ZFYVE9: variants seen among roughly 807,000 people sequenced by gnomAD.
ZFYVE9 encodes the protein zinc finger FYVE domain-containing protein 9.
ZFYVE9 carries 43 observed loss-of-function variants against 126.7 expected under a neutral mutation model. That is an observed-to-expected ratio of 0.34 (90% CI 0.27 to 0.44). ZFYVE9 has a LOEUF of 0.44. ZFYVE9 is among the 20% of genes least tolerant of loss of function. The probability of loss-of-function intolerance (pLI) is 1.00; values close to 1 mark genes in which losing one functional copy is unlikely to be tolerated. For missense variants in ZFYVE9, 1,476 were observed against 1,697.0 expected (o/e 0.87, Z 2.29); for synonymous variants, 521 against 597.4 (o/e 0.87, Z 1.87).
intron 4 of ZFYVE9, among the ~76,000 whole-genome samples, chr1:52,255,854 C>G (rs1052132258): frequency 2.0e-5 from 3 of 151,596 alleles, no homozygotes; most frequent in African/African-American, 7.3e-5. Flanking sequence ...GACTCTGACT[C>G]AAAAAAAATT....
At chr1:52,196,995 T>C (rs1241052759) in intron 1 of ZFYVE9, among the ~76,000 whole-genome samples, 1 of 152,170 alleles carries the variant, frequency 6.6e-6, no homozygotes, top group Non-Finnish European at 1.5e-5. Flanking sequence ...TATCAAACAA[T>C]TGAAGAATTT....
At chr1:52,153,628 A>G (rs1644376593) in intron 1 of ZFYVE9, among the ~76,000 whole-genome samples, 2 of 152,262 alleles carry the variant, frequency 1.3e-5, no homozygotes, top group South Asian at 4.1e-4. Context: ...AGGGTTAATT[A>G]ATCTTGCCAA....
At chr1:52,302,024 T>C (rs1646040617) in intron 12 of ZFYVE9, among the ~76,000 whole-genome samples, 1 of 152,228 alleles carries the variant, frequency 6.6e-6, no homozygotes, top group South Asian at 2.1e-4. Flanking sequence ...TTGGGTCTTT[T>C]AAGATCTTTT....
rs541966795 is a variant in ZFYVE9 at position 52,157,684 on chromosome 1, G to A, written c.-143+15281G>A. On this transcript the variant is annotated intron_variant, in intron 1 of 18. Transcript: ENST00000287727. ...CTCCCAGAGTGTGCTGGGATTACAG[G>A]AATGAGCCACATTGCCCAGCCTGCA... 1.8e-3 allele frequency among the ~76,000 whole-genome samples: 274 copies of A among 152,126 alleles called. 1 individual carries two copies. The highest frequency in any genetic ancestry group is 6.3e-3 in the African/African-American group (262 of 41,498).
chr1:52,226,741 C>G (rs72893977), intron 2 of ZFYVE9, among the ~76,000 whole-genome samples: 5,568 of 152,182 alleles, frequency 0.037, 255 homozygotes, highest in African/African-American at 0.11. Flanking sequence ...GTAAGATGAA[C>G]ATTGGTTCTG....
At chr1:52,176,609 G>A (rs1402979977) in intron 1 of ZFYVE9, among the ~76,000 whole-genome samples, 4 of 152,186 alleles carry the variant, frequency 2.6e-5, no homozygotes, top group Non-Finnish European at 5.9e-5. Flanking sequence ...AGCCTACGGA[G>A]GCAGGCAGGC....
At chr1:52,160,960 G>C (rs1248044723) in intron 1 of ZFYVE9, among the ~76,000 whole-genome samples, 1 of 152,180 alleles carries the variant, frequency 6.6e-6, no homozygotes, top group Non-Finnish European at 1.5e-5. Flanking sequence ...GACATTTCTA[G>C]TGCAGTTTGA....
chr1:52,180,971 G>C (rs1455495067), intron 1 of ZFYVE9, among the ~76,000 whole-genome samples: 1 of 100,470 alleles, frequency 1.0e-5, no homozygotes, highest in African/African-American at 4.0e-5. Context: ...GCAAAACTCC[G>C]TCTCAAAAAA....
At chr1:52,188,816 C>A (rs941101906) in intron 1 of ZFYVE9, among the ~76,000 whole-genome samples, 2 of 152,056 alleles carry the variant, frequency 1.3e-5, no homozygotes, top group Middle Eastern at 3.4e-3. Context: ...TTTAAGATAG[C>A]TTTATAACAA....
chr1:52,160,183 G>T, intron 1 of ZFYVE9: 1 of 665,368 alleles, frequency 1.5e-6, no homozygotes, highest in Non-Finnish European at 2.7e-6. Flanking sequence ...AGGCTGTGAG[G>T]TTGGAGGCGC....
At position 52,160,184 on chromosome 1, in the gene ZFYVE9, T is replaced by A. The variant is rs895177257; in HGVS notation, c.-143+17781T>A. ...TGTGAAGCTCTACGAGGCTGTGAGG[T>A]TGGAGGCGCTTCTCCCTGCCTGTTA... On this transcript the variant is annotated intron_variant, in intron 1 of 18. Transcript: ENST00000287727. The A allele has an allele frequency of 1.4e-5, 9 of 665,804 alleles. No individual in the cohort carries two copies. The African/African-American group carries it at 1.4e-4, about 11-fold the overall frequency. The allele number at this position is 665,804 out of a possible 1,614,324, so 41.2% of individuals were successfully genotyped here.
intron 1 of ZFYVE9, among the ~76,000 whole-genome samples, chr1:52,163,261 ACT>A (rs1200018736): frequency 2.0e-5 from 3 of 151,784 alleles, no homozygotes; most frequent in Admixed American, 6.6e-5. Flanking sequence ...TTTGGAAAAA[ACT>A]CTTCAGTTTC....
chr1:52,184,226 T>C (rs1644742705), intron 1 of ZFYVE9, among the ~76,000 whole-genome samples: 2 of 145,816 alleles, frequency 1.4e-5, no homozygotes, highest in Non-Finnish European at 3.0e-5. Flanking sequence ...TATATAGATA[T>C]ATATATATAT....
At chr1:52,181,371 T>A (rs2124540513) in intron 1 of ZFYVE9, among the ~76,000 whole-genome samples, 1 of 152,348 alleles carries the variant, frequency 6.6e-6, no homozygotes, top group African/African-American at 2.4e-5. Flanking sequence ...AGACGGAGTC[T>A]GGTTCACTCA....
chr1:52,297,321 T>C (rs1645987017), intron 12 of ZFYVE9, among the ~76,000 whole-genome samples: 1 of 149,540 alleles, frequency 6.7e-6, no homozygotes, highest in Non-Finnish European at 1.5e-5. Context: ...TACTGCAACC[T>C]CTGCCTCCCA....
rs2124647561 is a variant in ZFYVE9 at position 52,251,534 on chromosome 1, C to T, written c.2178+11939C>T. 2.0e-5 allele frequency among the ~76,000 whole-genome samples: 3 copies of T among 152,216 alleles called. No homozygotes were observed. In the South Asian group the frequency reaches 6.2e-4, roughly 32 times the overall value. ...ATTTTCATAAGTTGAATTATCCTTG[C>T]ATTCCAGTAATAAATATCACTTGGT... On this transcript the variant is annotated intron_variant, in intron 4 of 18. Transcript: ENST00000287727.
At chr1:52,153,975 T>A (rs887979013) in intron 1 of ZFYVE9, among the ~76,000 whole-genome samples, 6 of 152,240 alleles carry the variant, frequency 3.9e-5, no homozygotes, top group Non-Finnish European at 5.9e-5. Flanking sequence ...TCTGAGCTAG[T>A]ACATTAGCTG....
intron 3 of ZFYVE9, among the ~76,000 whole-genome samples, 188 bp downstream of exon 3, chr1:52,233,464 ATC>A (rs1407540336): frequency 1.3e-5 from 2 of 152,314 alleles, no homozygotes; most frequent in East Asian, 1.9e-4. Flanking sequence ...AATCCCACAG[ATC>A]TTATTGCCAT....
chr1:52,173,402 G>A (rs543716390), intron 1 of ZFYVE9, among the ~76,000 whole-genome samples: 127 of 152,278 alleles, frequency 8.3e-4, no homozygotes, highest in Non-Finnish European at 1.5e-3. Flanking sequence ...GATTTGGTTT[G>A]CCAGTATTTT....
Sources: allele counts gnomAD v4.1 joint callset (sites outside exome capture counted in the v4.1 genomes callset), GRCh38; gene constraint gnomAD v4.1.1; transcripts MANE v1.5; gene names NCBI Gene and HGNC (gene_info 2026-07-23, HGNC 2026-07-21).